Variants in FNDC3B observed in about 807,000 individuals in gnomAD.
FNDC3B encodes the protein fibronectin type III domain containing 3B.
In FNDC3B, 12 loss-of-function variants were observed where a neutral mutation model predicts 151.5. The ratio of observed to expected loss-of-function variants is 0.08; its 90% confidence interval spans 0.05 to 0.13. The LOEUF (loss-of-function observed/expected upper bound fraction) is 0.13, where lower values mean the gene tolerates loss of function less well. Ranked by LOEUF, FNDC3B falls within the 10% of genes least tolerant of loss-of-function variation. FNDC3B has a pLI of 1.00. For missense variants in FNDC3B, 1,214 were observed against 1,505.3 expected (o/e 0.81, Z 3.20); for synonymous variants, 528 against 549.0 (o/e 0.96, Z 0.54).
At chr3:172,085,296 G>A (rs1718491982) in intron 1 of FNDC3B, among the ~76,000 whole-genome samples, 3 of 152,160 alleles carry the variant, frequency 2.0e-5, no homozygotes, top group African/African-American at 7.2e-5. Context: ...CGTAAAATAA[G>A]ATTTCTAGCT....
At chr3:172,392,343 G>A (rs1736052123) in intron 25 of FNDC3B, among the ~76,000 whole-genome samples, 1 of 152,168 alleles carries the variant, frequency 6.6e-6, no homozygotes, top group Non-Finnish European at 1.5e-5. Flanking sequence ...AATAACAAAA[G>A]CAAGATAAAT....
chr3:172,135,945 C>A (rs942489715), intron 3 of FNDC3B, among the ~76,000 whole-genome samples: 1 of 152,136 alleles, frequency 6.6e-6, no homozygotes, highest in Admixed American at 6.5e-5. Context: ...CCTCACAGTC[C>A]CAGTGATTAA....
intron 9 of FNDC3B, among the ~76,000 whole-genome samples, chr3:172,303,692 A>G (rs1181010826): frequency 3.3e-5 from 5 of 151,536 alleles, no homozygotes; most frequent in African/African-American, 1.2e-4. Context: ...CTTTTACATG[A>G]TGATATTTAT....
chr3:172,272,119 G>A (rs1729229790), intron 6 of FNDC3B, among the ~76,000 whole-genome samples: 1 of 152,128 alleles, frequency 6.6e-6, no homozygotes, highest in African/African-American at 2.4e-5. Flanking sequence ...TTATAAACCT[G>A]TGTTTGCCTG....
rs116560211 is a variant in FNDC3B, at chr3:172,363,434, T to C, written c.3008+589T>C. 2.7e-3 allele frequency among the ~76,000 whole-genome samples: 406 copies of C among 152,346 alleles called. 2 individuals carry two copies. Among genetic ancestry groups the C allele is most frequent in the African/African-American group, 9.0e-3 (375 of 41,578 alleles). On this transcript the variant is annotated intron_variant, in intron 23 of 25. Coordinates refer to ENST00000415807, the MANE Select transcript of FNDC3B (RefSeq NM_022763.4). ...GTAGTATTTGTTTAACCTAACTTCA[T>C]TTCCTCTGAAAATGTCCGATCAGAA...
intron 11 of FNDC3B, among the ~76,000 whole-genome samples, chr3:172,324,563 TAAAG>T (rs10576703): frequency 0.45 from 68,972 of 151,678 alleles, 16,438 homozygotes; most frequent in South Asian, 0.62. Context: ...CACATTGTAG[TAAAG>T]AAAGATTAAC....
chr3:172,096,871 G>T (rs1430701491), intron 1 of FNDC3B, among the ~76,000 whole-genome samples: 1 of 151,940 alleles, frequency 6.6e-6, no homozygotes, highest in Non-Finnish European at 1.5e-5. Context: ...TTTTTAAAAG[G>T]TATGGGATGA....
At chr3:172,123,630 A>T (rs1720664117) in intron 2 of FNDC3B, among the ~76,000 whole-genome samples, 2 of 152,230 alleles carry the variant, frequency 1.3e-5, no homozygotes, top group African/African-American at 4.8e-5. Flanking sequence ...AATAGGCCAC[A>T]GTAATGCAGC....
chr3:172,054,716 C>T (rs756642914), intron 1 of FNDC3B, among the ~76,000 whole-genome samples: 3 of 152,104 alleles, frequency 2.0e-5, no homozygotes, highest in Non-Finnish European at 4.4e-5. Flanking sequence ...TGCCCCTGAA[C>T]AGGGGGGTAG....
At chr3:172,079,207 T>C (rs1718165353) in intron 1 of FNDC3B, among the ~76,000 whole-genome samples, 2 of 152,172 alleles carry the variant, frequency 1.3e-5, no homozygotes, top group South Asian at 4.1e-4. Context: ...AAGTTTAACA[T>C]GCTGTTAAAC....
chr3:172,188,812 A>G (rs1724347745), intron 3 of FNDC3B, among the ~76,000 whole-genome samples: 1 of 152,166 alleles, frequency 6.6e-6, no homozygotes, highest in Admixed American at 6.5e-5. Flanking sequence ...CTATATCTTC[A>G]GTGCCCTTAA....
At chr3:172,046,008 AGTTT>A (rs1716351825) in intron 1 of FNDC3B, among the ~76,000 whole-genome samples, 1 of 151,756 alleles carries the variant, frequency 6.6e-6, no homozygotes, top group Admixed American at 6.6e-5. Context: ...CCTGGAGGGG[AGTTT>A]GTTTGTGGTG....
chr3:172,284,018 G>GA (rs1238859094), intron 6 of FNDC3B, among the ~76,000 whole-genome samples: 2 of 151,626 alleles, frequency 1.3e-5, no homozygotes, highest in African/African-American at 2.4e-5. Flanking sequence ...AACGCAACAG[G>GA]AAAAAAAATA....
chr3:172,067,765 G>C (rs1039898521), intron 1 of FNDC3B, among the ~76,000 whole-genome samples: 1 of 152,164 alleles, frequency 6.6e-6, no homozygotes, highest in Non-Finnish European at 1.5e-5. Context: ...TGGTCCAAGA[G>C]TTAGTACTAC....
chr3:172,191,743 C>G lies in FNDC3B; in HGVS notation c.188-35128C>G, dbSNP rs1212872687. On this transcript the variant is annotated intron_variant, in intron 3 of 25. Coordinates refer to ENST00000415807, the MANE Select transcript of FNDC3B (RefSeq NM_022763.4). ...AACTTCTGGGCTCAAGTGATCCTCC[C>G]ATAGTGCTGAGATTACATGCGTGAG... is the stretch of plus-strand genomic sequence containing the variant. Among the ~76,000 whole-genome samples, 5 of 152,118 alleles carry G rather than the reference C, an allele frequency of 3.3e-5. No individual in the cohort carries two copies. The East Asian group carries it at 9.7e-4, about 29-fold the overall frequency.
At chr3:172,157,782 G>A (rs182987109) in intron 3 of FNDC3B, among the ~76,000 whole-genome samples, 1 of 152,330 alleles carries the variant, frequency 6.6e-6, no homozygotes, top group Admixed American at 6.5e-5. Flanking sequence ...CCTGTTGAAG[G>A]ACATTTGATA....
intron 11 of FNDC3B, among the ~76,000 whole-genome samples, chr3:172,315,336 C>A (rs945279088): frequency 1.3e-5 from 2 of 152,194 alleles, no homozygotes; most frequent in African/African-American, 4.8e-5. Context: ...AAGATTGCAC[C>A]ACTGCGCTCC....
intron 7 of FNDC3B, among the ~76,000 whole-genome samples, chr3:172,294,494 A>G (rs1730493849): frequency 2.0e-5 from 3 of 152,194 alleles, no homozygotes; most frequent in Admixed American, 2.0e-4. Flanking sequence ...GTGAGAACTC[A>G]CATCAGGAGA....
chr3:172,139,854 G>A lies in FNDC3B; in HGVS notation c.187+6308G>A, dbSNP rs141355155. ...CACCCAGGCTGAAGTGTAGTGGCACGATCAGATCATAGCTCGTTGCAGCCT... is the reference window on the plus strand; with the variant it reads ...CACCCAGGCTGAAGTGTAGTGGCACAATCAGATCATAGCTCGTTGCAGCCT... On this transcript the variant is annotated intron_variant, in intron 3 of 25. Transcript: ENST00000415807. Among the ~76,000 whole-genome samples, 5 of 151,832 alleles carry A rather than the reference G, an allele frequency of 3.3e-5. No individual in the cohort carries two copies. The East Asian group carries it at 9.7e-4, about 29-fold the overall frequency.
Sources: allele counts gnomAD v4.1 joint callset (sites outside exome capture counted in the v4.1 genomes callset), GRCh38; gene constraint gnomAD v4.1.1; transcripts MANE v1.5; gene names NCBI Gene and HGNC (gene_info 2026-07-23, HGNC 2026-07-21).